Variants in ZAP70 observed in about 807,000 individuals in gnomAD.
ZAP70 encodes zeta chain of T cell receptor associated protein kinase 70, also known as tyrosine-protein kinase ZAP-70.
A neutral mutation model predicts 65.8 loss-of-function variants in ZAP70; 27 were observed. The ratio of observed to expected loss-of-function variants is 0.41; its 90% CI spans 0.30 to 0.57. The LOEUF (loss-of-function observed/expected upper bound fraction) is 0.57. Among genes scored for constraint, ZAP70 ranks in the 20% least tolerant of loss-of-function variants. The pLI, the probability that ZAP70 is intolerant of heterozygous loss-of-function variation, is 0.28. For synonymous variants in ZAP70, 363 were observed against 360.8 expected (o/e 1.01, Z -0.07); for missense variants, 696 against 870.5 (o/e 0.80, Z 2.52).
rs1300407881 is a variant in ZAP70 at position 97,737,396 on chromosome 2, G to C, written c.1290-77G>C. 2.7e-6 allele frequency: 4 copies of C among 1,509,424 alleles called. No homozygotes were observed. Among genetic ancestry groups the C allele is most frequent in the Non-Finnish European group, 3.7e-6 (4 of 1,087,574 alleles). The allele number at this position is 1,509,424 out of a possible 1,614,324, so 93.5% of individuals were successfully genotyped here. On this transcript the variant is annotated intron_variant, in intron 10 of 13. Transcript: ENST00000264972. This position sits in a 1 kb window ranked among gnomAD's most constrained non-coding sequence, Gnocchi z 5.0. ...TGGTCACCTGGCTCATGCCCAGCTG[G>C]GTCAGAGAAGCATGCTTTGCCCCTG...
At chr2:97,744,570 A>C (rs1438376972), downstream of ZAP70, among the ~76,000 whole-genome samples, 1 of 152,188 alleles carries the variant, frequency 6.6e-6, no homozygotes, top group Non-Finnish European at 1.5e-5. Flanking sequence ...CATGGAGGAA[A>C]GCAAACTGGG....
At chr2:97,738,437 G>C in intron 13 of ZAP70, 1 of 397,398 alleles carries the variant, frequency 2.5e-6, no homozygotes, top group Middle Eastern at 7.7e-4. Flanking sequence ...GACACTCAGG[G>C]CATGAGATGA....
rs555080416 is a variant in ZAP70, at chr2:97,723,867, A to G, written c.-21-149A>G. On this transcript the variant is annotated intron_variant, in intron 2 of 13. Transcript: ENST00000264972. ...CAGGCTGCGGCTTCTCTCCAGGTTGACTCTGGCACAGAGCAGGCTCTGCCC... is the reference window on the plus strand; with the variant it reads ...CAGGCTGCGGCTTCTCTCCAGGTTGGCTCTGGCACAGAGCAGGCTCTGCCC... 1.2e-4 allele frequency: 102 copies of G among 844,958 alleles called. No homozygotes were observed. In the African/African-American group the frequency reaches 1.6e-3, roughly 13 times the overall value. 52.3% of individuals were successfully genotyped at this position (844,958 alleles called of 1,614,324 possible). A position where few individuals can be genotyped will look rare whatever the true frequency, so the allele number is the denominator to read the frequency against.
chr2:97,733,602 G>C lies in ZAP70; in HGVS notation c.889+7G>C, dbSNP rs56096305. On this transcript the variant is annotated splice_region_variant and intron_variant, in intron 8 of 13. Transcript: ENST00000264972. ...GGATACACCCCTGAGCCAGGTGAGCGGGCAGAGGTGGGGACGCGGGTTGGG... is the reference window on the plus strand; with the variant it reads ...GGATACACCCCTGAGCCAGGTGAGCCGGCAGAGGTGGGGACGCGGGTTGGG... 6.2e-7 allele frequency: 1 copy of C among 1,613,534 alleles called. No individual in the cohort carries two copies.
At chr2:97,724,470 A>T in intron 3 of ZAP70, 32 bp downstream of exon 3, 2 of 1,517,316 alleles carry the variant, frequency 1.3e-6, no homozygotes, top group Non-Finnish European at 1.8e-6. Context: ...CGGGGTCTGG[A>T]GGGGCGTGGC....
the ZAP70 span, among the ~76,000 whole-genome samples, chr2:97,747,815 G>GTTTTTTTTTTTTTTTTTTTTTTTT: frequency 1.8e-5 from 1 of 54,746 alleles, no homozygotes; most frequent in African/African-American, 8.8e-5. Flanking sequence ...CTGGCACGAG[G>GTTTTTTTTTTTTTTTTTTTTTTTT]TTTTTTTTTT....
At chr2:97,749,202 G>T in the ZAP70 span, among the ~76,000 whole-genome samples, 1 of 151,988 alleles carries the variant, frequency 6.6e-6, no homozygotes, top group African/African-American at 2.4e-5. Context: ...GTAGAGACGG[G>T]GTTTCACCGT....
chr2:97,755,468 C>T, the ZAP70 span, among the ~76,000 whole-genome samples: 2 of 152,296 alleles, frequency 1.3e-5, no homozygotes, highest in African/African-American at 4.8e-5. Context: ...AGGTTGCTTT[C>T]CATCCAGCCT....
chr2:97,724,507 G>T, intron 3 of ZAP70, 69 bp downstream of exon 3: 1 of 1,509,854 alleles, frequency 6.6e-7, no homozygotes, highest in South Asian at 1.2e-5. Context: ...AGGGTTTTGG[G>T]GGGATAGGAG....
chr2:97,729,221 G>A (rs1245904253), intron 4 of ZAP70, among the ~76,000 whole-genome samples: 2 of 152,226 alleles, frequency 1.3e-5, no homozygotes, highest in East Asian at 3.8e-4. Context: ...AGGTCAAGAA[G>A]TTATGATTTA....
At chr2:97,724,463 G>A (rs925144320) in intron 3 of ZAP70, 25 bp downstream of exon 3, 3 of 1,519,380 alleles carry the variant, frequency 2.0e-6, no homozygotes, top group Non-Finnish European at 2.6e-6. Context: ...TGGGGCGCGG[G>A]GTCTGGAGGG....
chr2:97,743,744 C>T (rs373219380), downstream of ZAP70, among the ~76,000 whole-genome samples: 50 of 152,298 alleles, frequency 3.3e-4, no homozygotes, highest in East Asian at 2.7e-3. Context: ...TTTCCTCAGA[C>T]GTAAATTCTT....
In ZAP70 at chr2:97,737,311, C is replaced by G. The variant is rs56324349; in HGVS notation, c.1290-162C>G. Reference sequence around the variant, plus strand: ...GGAGTTTTGCCTGTTTTGTTCACTGCTGTGTCCCCAGCCCCACGCCTGGCA... The same window carrying G: ...GGAGTTTTGCCTGTTTTGTTCACTGGTGTGTCCCCAGCCCCACGCCTGGCA... On this transcript the variant is annotated intron_variant, in intron 10 of 13. Transcript: ENST00000264972. The surrounding 1 kb of genome is among the most constrained non-coding windows in gnomAD (Gnocchi z 5.0). Among the ~76,000 whole-genome samples, 1 of 152,278 alleles carries G rather than the reference C, an allele frequency of 6.6e-6. No individual in the cohort carries two copies. Among genetic ancestry groups the G allele is most frequent in the East Asian group, 1.9e-4 (1 of 5,182 alleles).
intron 8 of ZAP70, chr2:97,734,142 G>A (rs1231695275): frequency 3.2e-6 from 1 of 308,036 alleles, no homozygotes; most frequent in Non-Finnish European, 6.1e-6. Context: ...TGTGCACCTA[G>A]AGGCTCGCTT....
In ZAP70 at chr2:97,734,591, G is replaced by T; in HGVS notation, c.961G>T (p.Asp321Tyr). Residue 321 changes from aspartate to tyrosine, a missense_variant, in exon 9 of 14, where the codon GAC becomes TAC. By Grantham distance (160) the Asp-to-Tyr change is radical. Transcript: ENST00000264972. ...DTSVYESPYS[D>Y]PEELKDKKLF... Reference sequence around the variant, plus strand: ...GAGCGTGTATGAGAGCCCCTACAGCGACCCAGAGGAGCTCAAGGACAAGAA... The same window carrying T: ...GAGCGTGTATGAGAGCCCCTACAGCTACCCAGAGGAGCTCAAGGACAAGAA... The T allele has an allele frequency of 6.2e-7, 1 of 1,614,200 alleles. No homozygotes were observed. The highest frequency in any genetic ancestry group is 8.5e-7 in the Non-Finnish European group (1 of 1,180,032).
chr2:97,746,826 T>C, the ZAP70 span, among the ~76,000 whole-genome samples: 5 of 152,168 alleles, frequency 3.3e-5, no homozygotes, highest in African/African-American at 7.2e-5. Flanking sequence ...AAATCATATA[T>C]TGGGGAAGAA....
chr2:97,743,479 G>A (rs1289673712), downstream of ZAP70, among the ~76,000 whole-genome samples: 1 of 152,172 alleles, frequency 6.6e-6, no homozygotes, highest in Non-Finnish European at 1.5e-5. Context: ...GGGACTACAG[G>A]CACCCGCCAC....
chr2:97,733,441 G>T, intron 7 of ZAP70, 98 bp downstream of exon 7: 1 of 1,604,962 alleles, frequency 6.2e-7, no homozygotes, highest in Non-Finnish European at 8.5e-7. Context: ...TGGAGCGGAA[G>T]AAGCTCTCTC....
chr2:97,754,308 G>C, the ZAP70 span, among the ~76,000 whole-genome samples: 1 of 147,002 alleles, frequency 6.8e-6, no homozygotes, highest in Non-Finnish European at 1.5e-5. Context: ...GAGTTTGGTC[G>C]GGGGGGGTCT....
Sources: allele counts gnomAD v4.1 joint callset (sites outside exome capture counted in the v4.1 genomes callset), GRCh38; gene constraint gnomAD v4.1.1; non-coding constraint Gnocchi (gnomAD v3.1); transcripts MANE v1.5; gene names NCBI Gene and HGNC (gene_info 2026-07-23, HGNC 2026-07-21).